LAMB4: variants seen among roughly 807,000 people sequenced by gnomAD.
LAMB4 encodes the protein laminin subunit beta 4.
A neutral mutation model predicts 199.2 loss-of-function variants in LAMB4; 196 were observed. The ratio of observed to expected loss-of-function variants is 0.98; its 90% CI spans 0.88 to 1.11. The LOEUF is 1.11. Ranked by LOEUF, LAMB4 falls within the 50% of genes least tolerant of loss-of-function variation. LAMB4 has a pLI of 0.00. For missense variants in LAMB4, 2,080 were observed against 2,171.2 expected (o/e 0.96, Z 0.83); for synonymous variants, 744 against 770.6 (o/e 0.97, Z 0.57).
chr7:108,037,414 C>A lies in LAMB4; in HGVS notation c.4653G>T (p.Lys1551Asn), dbSNP rs779081758. The change falls in exon 30 of 34, where the codon AAG becomes AAT. Residue 1551 changes from lysine (K) to asparagine (N), a missense_variant. Transcript: ENST00000388781. ...RLNEEADGAQ[K>N]LLVKAKAAEK... ...CAGCTGCTTTGGCCTTCACCAAAAG[C>A]TTTTGGGCTCCATCTGCTTCTTCAT... 20 of 1,614,130 alleles carry A rather than the reference C, an allele frequency of 1.2e-5. No homozygotes were observed. Among genetic ancestry groups the A allele is most frequent in the East Asian group, 2.2e-5 (1 of 44,884 alleles).
At chr7:108,043,545 G>GTTTTTTGTTTTTT (rs2035497909) in intron 29 of LAMB4, among the ~76,000 whole-genome samples, 1 of 56,002 alleles carries the variant, frequency 1.8e-5, no homozygotes. Flanking sequence ...TGGCTATGAT[G>GTTTTTTGTTTTTT]TTTTTTTTTT....
intron 19 of LAMB4, among the ~76,000 whole-genome samples, 173 bp downstream of exon 19, chr7:108,067,843 T>G (rs751494771): frequency 2.6e-5 from 4 of 152,194 alleles, no homozygotes; most frequent in Non-Finnish European, 4.4e-5. Flanking sequence ...GATGAATGGA[T>G]GAATGAAGTG....
intron 6 of LAMB4, among the ~76,000 whole-genome samples, 195 bp from the exon 7 acceptor site, chr7:108,106,767 A>G (rs1466231006): frequency 6.6e-6 from 1 of 151,844 alleles, no homozygotes; most frequent in African/African-American, 2.4e-5. Flanking sequence ...GGTTCTCCCT[A>G]TGTTGCCCAG....
chr7:108,013,587 C>A, the LAMB4 span, among the ~76,000 whole-genome samples: 1 of 152,096 alleles, frequency 6.6e-6, no homozygotes, highest in African/African-American at 2.4e-5. Context: ...TCAAAGTCTG[C>A]AAGTCTTAGT....
intron 14 of LAMB4, among the ~76,000 whole-genome samples, chr7:108,080,052 C>A (rs111623307): frequency 2.6e-5 from 4 of 152,210 alleles, no homozygotes; most frequent in East Asian, 3.9e-4. Context: ...ATTTTAAGTA[C>A]CCCCTGTGCT....
At chr7:108,091,498 C>A in intron 14 of LAMB4, 128 bp downstream of exon 14, 1 of 1,042,734 alleles carries the variant, frequency 9.6e-7, no homozygotes, top group Non-Finnish European at 1.4e-6. Flanking sequence ...ATAATAAACT[C>A]TGATCTGCAT....
rs373346464 is a variant in LAMB4 at position 108,063,865 on chromosome 7, C to T, written c.2957G>A (p.Arg986Gln). Residue 986 changes from arginine to glutamine, a missense_variant, in exon 22 of 34, where the codon CGG becomes CAG. Coordinates refer to ENST00000388781, the MANE Select transcript of LAMB4 (RefSeq NM_007356.3). ...IDVTDPESCS[R>Q]VTGECLRCLH... ...ACATCGAAGGCACTCCCCTGTTACC[C>T]GGCTGCAGGACTCTGGATCGGTTAC... 20 of 1,614,190 alleles carry T rather than the reference C, an allele frequency of 1.2e-5. No homozygotes were observed. The highest frequency in any genetic ancestry group is 2.2e-5 in the East Asian group (1 of 44,868).
intron 29 of LAMB4, among the ~76,000 whole-genome samples, chr7:108,038,304 T>C (rs1243597311): frequency 1.3e-5 from 2 of 151,952 alleles, no homozygotes; most frequent in Admixed American, 6.6e-5. Context: ...GGATTACAGG[T>C]ATGCACCACC....
At chr7:108,029,279 A>G (rs1301461317) in intron 32 of LAMB4, 83 bp from the exon 33 acceptor site, 2 of 1,240,610 alleles carry the variant, frequency 1.6e-6, no homozygotes, top group Non-Finnish European at 2.2e-6. Context: ...AATTCCATTC[A>G]TAGAAGGAAT....
At chr7:108,050,683 G>A (rs574768668) in intron 26 of LAMB4, among the ~76,000 whole-genome samples, 20 of 152,086 alleles carry the variant, frequency 1.3e-4, no homozygotes, top group Admixed American at 5.2e-4. Flanking sequence ...AAACTTTTCT[G>A]GTTCTATAAG....
chr7:108,089,114 A>G (rs1165005913), intron 14 of LAMB4, among the ~76,000 whole-genome samples: 1 of 152,120 alleles, frequency 6.6e-6, no homozygotes, highest in Non-Finnish European at 1.5e-5. Flanking sequence ...TTTTTTTTAT[A>G]GCAGTACTCC....
intron 6 of LAMB4, among the ~76,000 whole-genome samples, chr7:108,106,786 C>T (rs566305394): frequency 3.9e-5 from 6 of 152,022 alleles, no homozygotes; most frequent in East Asian, 1.9e-4. Context: ...AGGCTGGTCT[C>T]GAACTCCCAG....
Position 108,049,421 on chromosome 7 carries a change from G to A in LAMB4, c.4027C>T (p.Leu1343Phe). Residue 1343 changes from leucine to phenylalanine, a missense_variant, in exon 27 of 34, where the codon CTT (leucine) becomes TTT (phenylalanine). By Grantham distance (22) the Leu-to-Phe change is conservative. Transcript: ENST00000388781. Reference protein sequence around the residue: ...NTSANTRNDLLTILDTLTSKG... With the variant: ...NTSANTRNDLFTILDTLTSKG... ...GAGGTTAGTGTATCTAAGATGGTAA[G>A]TAAGTCATTCCTTGTATTTGCAGAG... 1 of 1,592,690 alleles carries A rather than the reference G, an allele frequency of 6.3e-7. No individual in the cohort carries two copies. Among genetic ancestry groups the A allele is most frequent in the Non-Finnish European group, 8.6e-7 (1 of 1,161,820 alleles).
rs757835315 is a variant in LAMB4, at chr7:108,116,091, G to C, written c.105C>G (p.Leu35=). 14 of 1,613,840 alleles carry C rather than the reference G, an allele frequency of 8.7e-6. No individual in the cohort carries two copies. ...TAAGCTGCGTGTTCCTGCCCACCAGGAGATCACCAGTGGTGGGATGACAGG... is the reference window on the plus strand; with the variant it reads ...TAAGCTGCGTGTTCCTGCCCACCAGCAGATCACCAGTGGTGGGATGACAGG... ...RGACHPTTGD[L]LVGRNTQLMA... The change falls in exon 3 of 34, where the codon CTC becomes CTG. Residue 35 remains leucine, a synonymous_variant. Transcript: ENST00000388781.
At chr7:108,108,707 G>T (rs1440497270) in intron 5 of LAMB4, among the ~76,000 whole-genome samples, 2 of 151,512 alleles carry the variant, frequency 1.3e-5, no homozygotes, top group African/African-American at 4.9e-5. Flanking sequence ...ACCAAAACGA[G>T]CATAAAGTCT....
intron 15 of LAMB4, among the ~76,000 whole-genome samples, chr7:108,079,108 T>C (rs1222600267): frequency 2.0e-5 from 3 of 152,234 alleles, no homozygotes; most frequent in African/African-American, 7.2e-5. Context: ...TATTCTGTTT[T>C]AGATATTTCT....
intron 33 of LAMB4, among the ~76,000 whole-genome samples, chr7:108,024,775 A>G (rs1219789617): frequency 6.6e-6 from 1 of 151,576 alleles, no homozygotes; most frequent in African/African-American, 2.4e-5. Flanking sequence ...CCATCTATCT[A>G]TACATTCATT....
At position 108,047,896 on chromosome 7, in the gene LAMB4, G is replaced by A. The variant is rs767904234; in HGVS notation, c.4326+12C>T. On this transcript the variant is annotated intron_variant, in intron 28 of 33. Transcript: ENST00000388781. ...CTATAACTTTACAAATAAAGCAAGA[G>A]AAGATATTTACCTGATTTTTCAACC... The A allele has an allele frequency of 4.4e-6, 7 of 1,603,146 alleles. No individual in the cohort carries two copies. Among genetic ancestry groups the A allele is most frequent in the East Asian group, 2.2e-5 (1 of 44,824 alleles).
At chr7:108,016,138 G>T in the LAMB4 span, among the ~76,000 whole-genome samples, 2 of 152,020 alleles carry the variant, frequency 1.3e-5, no homozygotes, top group South Asian at 2.1e-4. Flanking sequence ...GAGTATAGTC[G>T]CAGGGCACAT....
Sources: allele counts gnomAD v4.1 joint callset (sites outside exome capture counted in the v4.1 genomes callset), GRCh38; gene constraint gnomAD v4.1.1; transcripts MANE v1.5; gene names NCBI Gene and HGNC (gene_info 2026-07-23, HGNC 2026-07-21).